The following UBL3 variants were observed in gnomAD, a reference collection of about 807,000 sequenced individuals.
The protein encoded by UBL3 is ubiquitin-like protein 3.
UBL3 carries 6 observed loss-of-function variants against 18.4 expected under a neutral mutation model. The ratio of observed to expected loss-of-function variants is 0.33; its 90% CI spans 0.18 to 0.64. The LOEUF (loss-of-function observed/expected upper bound fraction) is 0.64, where lower values mean the gene tolerates loss of function less well. UBL3 is among the 30% of genes least tolerant of loss of function. UBL3 has a pLI of 0.76. For missense variants in UBL3, 109 were observed against 142.9 expected (o/e 0.76, Z 1.21); for synonymous variants, 49 against 46.6 (o/e 1.05, Z -0.21).
chr13:29,844,984 C>G (rs1051842852), intron 1 of UBL3, among the ~76,000 whole-genome samples: 1 of 151,900 alleles, frequency 6.6e-6, no homozygotes, highest in African/African-American at 2.4e-5. Context: ...GTTTGTGAGT[C>G]AAGAAAGTCA....
chr13:29,789,290 A>G (rs917234636), intron 1 of UBL3, among the ~76,000 whole-genome samples: 1 of 152,200 alleles, frequency 6.6e-6, no homozygotes, highest in African/African-American at 2.4e-5. Context: ...AAACTTCACA[A>G]ATGTAAAATA....
chr13:29,777,373 T>C, intron 1 of UBL3, 110 bp from the exon 2 acceptor site: 1 of 824,396 alleles, frequency 1.2e-6, no homozygotes, highest in Non-Finnish European at 1.9e-6. Flanking sequence ...ACCAATGCCA[T>C]ATTGTGGTTT....
chr13:29,819,373 T>C (rs1878367034), intron 1 of UBL3, among the ~76,000 whole-genome samples: 1 of 152,200 alleles, frequency 6.6e-6, no homozygotes, highest in Non-Finnish European at 1.5e-5. Context: ...ATCAAGGCTA[T>C]CCATATCAGA....
In UBL3 at chr13:29,767,258, C is replaced by T. The variant is rs1462311127; in HGVS notation, c.351G>A (p.Leu117=). 5 of 1,613,052 alleles carry T rather than the reference C, an allele frequency of 3.1e-6. No homozygotes were observed. The highest frequency in any genetic ancestry group is 1.7e-5 in the Admixed American group (1 of 59,942). Residue 117 remains leucine, a synonymous_variant, in exon 5 of 5, where the codon CTG becomes CTA. Coordinates refer to ENST00000380680, the MANE Select transcript of UBL3 (RefSeq NM_007106.4). ...CATCACACTAGGCAGACAGTGTTTA[C>T]AGGATTACACAACAATTACTCTCTC... ...KTGESNCCVI[L]
At chr13:29,837,618 T>TTGTAATCATGCC (rs774256515) in intron 1 of UBL3, among the ~76,000 whole-genome samples, 5 of 152,130 alleles carry the variant, frequency 3.3e-5, no homozygotes, top group Non-Finnish European at 7.3e-5. Context: ...TCCCAACACT[T>TTGTAATCATGCC]TGTAATCATG....
chr13:29,815,105 C>T (rs1462272391), intron 1 of UBL3, among the ~76,000 whole-genome samples: 4 of 152,116 alleles, frequency 2.6e-5, no homozygotes, highest in Non-Finnish European at 4.4e-5. Context: ...TATGAATTGT[C>T]CTAACTCTGC....
chr13:29,809,059 A>G (rs1877970599), intron 1 of UBL3, among the ~76,000 whole-genome samples: 1 of 152,162 alleles, frequency 6.6e-6, no homozygotes. Context: ...AATTTTGAGC[A>G]CCTACCCTAG....
intron 1 of UBL3, among the ~76,000 whole-genome samples, chr13:29,826,827 T>C (rs1878633020): frequency 6.6e-6 from 1 of 152,218 alleles, no homozygotes; most frequent in African/African-American, 2.4e-5. Flanking sequence ...CATTTAGTGC[T>C]ATATATTTCC....
intron 1 of UBL3, among the ~76,000 whole-genome samples, chr13:29,827,778 T>C (rs1257039830): frequency 6.6e-6 from 1 of 152,230 alleles, no homozygotes; most frequent in Non-Finnish European, 1.5e-5. Flanking sequence ...CTAGCATTGA[T>C]GGTCTTTACT....
chr13:29,795,755 G>GGA lies in UBL3; in HGVS notation c.28-18493_28-18492insTC, dbSNP rs747083957. On this transcript the variant is annotated intron_variant, in intron 1 of 4. Transcript: ENST00000380680. ...GGCAACATAGCAAGGCCTCATCTCAGAAAAAAAAAAAAAAAAAAAAAAGAG... is the reference window on the plus strand; with the variant it reads ...GGCAACATAGCAAGGCCTCATCTCAGGAAAAAAAAAAAAAAAAAAAAAAAGAG... Among the ~76,000 whole-genome samples, 10 of 66,192 alleles carry GGA rather than the reference G, an allele frequency of 1.5e-4. No individual in the cohort carries two copies. The South Asian group carries it at 5.9e-3, about 39-fold the overall frequency. 43.4% of individuals were successfully genotyped at this position (66,192 alleles called of 152,430 possible). A position where few individuals can be genotyped will look rare whatever the true frequency, so the allele number is the denominator to read the frequency against.
chr13:29,835,125 AATATATATATATATATATAT>A (rs59643985), intron 1 of UBL3, among the ~76,000 whole-genome samples: 551 of 23,362 alleles, frequency 0.024, 30 homozygotes, highest in African/African-American at 0.07. Flanking sequence ...TATATATATA[AATATATATATATATATATAT>A]ATATATATAT....
intron 1 of UBL3, among the ~76,000 whole-genome samples, chr13:29,820,352 T>G (rs1878400305): frequency 6.6e-6 from 1 of 151,996 alleles, no homozygotes; most frequent in Non-Finnish European, 1.5e-5. Flanking sequence ...AATTTTTGCA[T>G]TTTTGTAGAG....
intron 1 of UBL3, among the ~76,000 whole-genome samples, chr13:29,839,835 G>A (rs1172236788): frequency 6.6e-6 from 1 of 151,642 alleles, no homozygotes; most frequent in African/African-American, 2.4e-5. Flanking sequence ...GCTGAGGCAG[G>A]AGAATGGCGT....
chr13:29,832,681 A>G (rs1878812273), intron 1 of UBL3, among the ~76,000 whole-genome samples: 1 of 152,180 alleles, frequency 6.6e-6, no homozygotes, highest in Non-Finnish European at 1.5e-5. Flanking sequence ...TTAAGTTAGC[A>G]CTGTTCCTCT....
At chr13:29,789,676 C>G (rs1163886089) in intron 1 of UBL3, among the ~76,000 whole-genome samples, 12 of 152,324 alleles carry the variant, frequency 7.9e-5, no homozygotes, top group African/African-American at 2.9e-4. Context: ...AACCAGGTCA[C>G]TGAAATTCAA....
At chr13:29,783,061 T>G (rs900641651) in intron 1 of UBL3, among the ~76,000 whole-genome samples, 1 of 152,218 alleles carries the variant, frequency 6.6e-6, no homozygotes, top group Non-Finnish European at 1.5e-5. Context: ...AAACCTAGGC[T>G]TCAGCATTCT....
intron 1 of UBL3, among the ~76,000 whole-genome samples, chr13:29,779,616 G>C (rs1399802338): frequency 6.6e-6 from 1 of 152,158 alleles, no homozygotes. Context: ...ATGGAAATGG[G>C]AAAATAAATG....
At chr13:29,785,966 G>C (rs1215233006) in intron 1 of UBL3, among the ~76,000 whole-genome samples, 1 of 152,184 alleles carries the variant, frequency 6.6e-6, no homozygotes, top group African/African-American at 2.4e-5. Context: ...GGAACAGTGA[G>C]TTATAAAAAG....
At chr13:29,807,961 T>C (rs1383914358) in intron 1 of UBL3, among the ~76,000 whole-genome samples, 1 of 152,210 alleles carries the variant, frequency 6.6e-6, no homozygotes, top group African/African-American at 2.4e-5. Context: ...CAATAGTCTA[T>C]TTTATAAATT....
Sources: gnomAD v4.1 joint callset for allele counts (sites outside exome capture counted in the v4.1 genomes callset) on GRCh38, gnomAD v4.1.1 for gene constraint, MANE v1.5 for transcripts, NCBI Gene and HGNC (gene_info 2026-07-23, HGNC 2026-07-21) for gene names.